Variants in CCNB1IP1 observed in about 807,000 individuals in gnomAD.
CCNB1IP1 encodes the protein E3 ubiquitin-protein ligase CCNB1IP1.
In CCNB1IP1, 14 loss-of-function variants were observed where a neutral mutation model predicts 25.6. That is an observed-to-expected ratio of 0.55 (90% CI 0.36 to 0.85). CCNB1IP1 has a LOEUF of 0.85. CCNB1IP1 is among the 40% of genes least tolerant of loss of function. The probability of loss-of-function intolerance (pLI) is 0.01; values close to 1 mark genes in which losing one functional copy is unlikely to be tolerated. For synonymous variants in CCNB1IP1, 119 were observed against 116.1 expected (o/e 1.02, Z -0.16); for missense variants, 278 against 342.4 (o/e 0.81, Z 1.48).
intron 1 of CCNB1IP1, chr14:20,330,399 C>T (rs751513309): frequency 1.3e-5 from 2 of 152,148 alleles, no homozygotes; most frequent in Middle Eastern, 3.2e-3. Context: ...TGTTTACTAC[C>T]TAGATGGCAG....
chr14:20,315,006 G>A (rs1882632523), intron 5 of CCNB1IP1, among the ~76,000 whole-genome samples: 3 of 149,160 alleles, frequency 2.0e-5, no homozygotes, highest in Admixed American at 1.3e-4. Flanking sequence ...CAGGAGAATG[G>A]CGTGAACCCG....
intron 4 of CCNB1IP1, among the ~76,000 whole-genome samples, chr14:20,316,887 T>C (rs770860867): frequency 3.3e-5 from 5 of 151,844 alleles, no homozygotes; most frequent in Non-Finnish European, 7.4e-5. Flanking sequence ...GCAGGCGGGG[T>C]CCCTTCAGGT....
Position 20,329,361 on chromosome 14 carries a change from T to C in CCNB1IP1, c.-418A>G, listed in dbSNP as rs553227582. ...GTGCTGGACTTCCCTCCTCAGTGGA[T>C]TTCATCTTCAACCTGAAACAAAATG... is the stretch of plus-strand genomic sequence containing the variant. On this transcript the variant is annotated 5_prime_UTR_variant, in exon 2 of 7. Transcript: ENST00000358932. 4.6e-5 allele frequency: 7 copies of C among 152,320 alleles called. No homozygotes were observed. The South Asian group carries it at 1.5e-3, about 32-fold the overall frequency. 9.4% of individuals were successfully genotyped at this position (152,320 alleles called of 1,614,324 possible).
intron 4 of CCNB1IP1, among the ~76,000 whole-genome samples, chr14:20,321,538 C>T (rs1457519959): frequency 6.6e-6 from 1 of 152,076 alleles, no homozygotes; most frequent in African/African-American, 2.4e-5. Flanking sequence ...CCGCAACCTC[C>T]GCCTCCCGGG....
chr14:20,328,980 T>C (rs1720379179), intron 2 of CCNB1IP1, among the ~76,000 whole-genome samples, 194 bp downstream of exon 2: 1 of 152,250 alleles, frequency 6.6e-6, no homozygotes, highest in Admixed American at 6.5e-5. Flanking sequence ...ACATTTTATA[T>C]GTGTGAACAG....
intron 4 of CCNB1IP1, among the ~76,000 whole-genome samples, 157 bp from the exon 5 acceptor site, chr14:20,316,717 A>G (rs1361023728): frequency 6.6e-6 from 1 of 152,214 alleles, no homozygotes; most frequent in Non-Finnish European, 1.5e-5. Flanking sequence ...CAGTTACTCA[A>G]TAATATTAAT....
At chr14:20,320,120 T>C (rs2138856367) in intron 4 of CCNB1IP1, among the ~76,000 whole-genome samples, 1 of 152,384 alleles carries the variant, frequency 6.6e-6, no homozygotes, top group South Asian at 2.1e-4. Context: ...TAATATGACA[T>C]GCAAACATAA....
chr14:20,311,525 A>C lies in CCNB1IP1; in HGVS notation c.*25T>G, dbSNP rs1348054359. ...CTCAACCTCCTAAGTAGCTGGGATC[A>C]CAGGTGCGTGACACTATGCGTGGCT... On this transcript the variant is annotated 3_prime_UTR_variant, in exon 7 of 7. Coordinates refer to ENST00000358932, the MANE Select transcript of CCNB1IP1 (RefSeq NM_021178.5). The C allele has an allele frequency of 6.2e-7, 1 of 1,600,458 alleles. No homozygotes were observed. Among genetic ancestry groups the C allele is most frequent in the African/African-American group, 1.3e-5 (1 of 74,732 alleles).
intron 5 of CCNB1IP1, 138 bp from the exon 6 acceptor site, chr14:20,313,939 C>A (rs907063245): frequency 5.0e-5 from 30 of 599,310 alleles, no homozygotes; most frequent in Non-Finnish European, 8.1e-5. Context: ...GTTTAAGAAG[C>A]AATCAGGATA....
intron 1 of CCNB1IP1, chr14:20,330,598 C>CTT (rs35031847): frequency 2.0e-5 from 3 of 147,166 alleles, no homozygotes; most frequent in Non-Finnish European, 3.0e-5. Flanking sequence ...ATATTGTGTC[C>CTT]TTTTTTTTTT....
Position 20,326,805 on chromosome 14 carries a change from A to T in CCNB1IP1, c.-230-12T>A, listed in dbSNP as rs1883090181. 3.8e-6 allele frequency: 1 copy of T among 260,738 alleles called. No individual in the cohort carries two copies. Among genetic ancestry groups the T allele is most frequent in the Admixed American group, 5.1e-5 (1 of 19,786 alleles). The allele number at this position is 260,738 out of a possible 1,614,324, so 16.2% of individuals were successfully genotyped here. The stretch of plus-strand genomic sequence containing the variant: ...ATCTAGGATCATTTCTGGAAAATTT[A>T]AAAAACATAAATAAATTCACAAAGG... On this transcript the variant is annotated splice_polypyrimidine_tract_variant and intron_variant, in intron 2 of 6. Coordinates refer to ENST00000358932, the MANE Select transcript of CCNB1IP1 (RefSeq NM_021178.5).
chr14:20,315,767 C>T (rs1167662462), intron 5 of CCNB1IP1: 21 of 1,244,136 alleles, frequency 1.7e-5, no homozygotes, highest in Non-Finnish European at 2.0e-5. Flanking sequence ...AAATATTTAA[C>T]AAGATATTCA....
chr14:20,313,508 T>C lies in CCNB1IP1; in HGVS notation c.591A>G (p.Pro197=). 1.2e-6 allele frequency: 2 copies of C among 1,610,624 alleles called. No individual in the cohort carries two copies. Among genetic ancestry groups the C allele is most frequent in the Non-Finnish European group, 1.7e-6 (2 of 1,178,086 alleles). ...GAACACCAGACTGTGCAATCATGGA[T>C]GGTTCAAGGGTGCCTTCATGGTTAG... ...TIANHEGTLE[P]SMIAQSGVLG... is the part of the protein sequence containing the mutation. Residue 197 remains proline, a synonymous_variant, in exon 6 of 7, where the codon CCA becomes CCG. Coordinates refer to ENST00000358932, the MANE Select transcript of CCNB1IP1 (RefSeq NM_021178.5).
intron 6 of CCNB1IP1, among the ~76,000 whole-genome samples, chr14:20,313,202 A>G (rs2297732): frequency 0.55 from 83,910 of 152,140 alleles, 23,812 homozygotes; most frequent in Middle Eastern, 0.67. Flanking sequence ...CTACAACTAC[A>G]TAGCTTTTAA....
At chr14:20,321,886 T>G (rs1052918753) in intron 4 of CCNB1IP1, among the ~76,000 whole-genome samples, 3 of 152,256 alleles carry the variant, frequency 2.0e-5, no homozygotes, top group African/African-American at 7.2e-5. Context: ...TATTTGGATT[T>G]TTATTTTGTA....
At chr14:20,320,421 C>G in intron 4 of CCNB1IP1, 1 of 414,862 alleles carries the variant, frequency 2.4e-6, no homozygotes. Flanking sequence ...GCAAGGGATA[C>G]AATATGCATC....
At chr14:20,332,026 A>ATATATATATATATATATATTT (rs59034398) in intron 1 of CCNB1IP1, among the ~76,000 whole-genome samples, 1 of 40,750 alleles carries the variant, frequency 2.5e-5, no homozygotes, top group African/African-American at 8.7e-5. Flanking sequence ...ATATATATAT[A>ATATATATATATATATATATTT]TTTTTTTTTT....
At chr14:20,315,670 A>C in intron 5 of CCNB1IP1, 1 of 1,242,850 alleles carries the variant, frequency 8.0e-7, no homozygotes, top group Non-Finnish European at 1.0e-6. Context: ...ATTTGATAAG[A>C]ATGCTTATCA....
rs769724940 is a variant in CCNB1IP1 at position 20,316,440 on chromosome 14, G to A, written c.84C>T (p.Cys28=). 1.9e-6 allele frequency: 3 copies of A among 1,613,930 alleles called. No homozygotes were observed. The highest frequency in any genetic ancestry group is 1.7e-4 in the Middle Eastern group (1 of 6,060). The change falls in exon 5 of 7, where the codon TGC becomes TGT. Residue 28 remains cysteine, a synonymous_variant. Coordinates refer to ENST00000358932, the MANE Select transcript of CCNB1IP1 (RefSeq NM_021178.5). ...CATGCTGATCACAGAAGATGTGAGA[G>A]CAGGCAGTGACCCATGCATAGCCAG... ...KLSGYAWVTA[C]SHIFCDQHGS...
Sources: allele counts gnomAD v4.1 joint callset (sites outside exome capture counted in the v4.1 genomes callset), GRCh38; gene constraint gnomAD v4.1.1; transcripts MANE v1.5; gene names NCBI Gene and HGNC (gene_info 2026-07-23, HGNC 2026-07-21).